Variants in DPP6 observed in about 807,000 individuals in gnomAD.
DPP6 encodes the protein A-type potassium channel modulatory protein DPP6.
A neutral mutation model predicts 122.6 loss-of-function variants in DPP6; 69 were observed. That is an observed-to-expected ratio of 0.56 (90% CI 0.46 to 0.69). The LOEUF is 0.69. DPP6 is among the 30% of genes least tolerant of loss of function. DPP6 has a pLI of 0.00. For missense variants in DPP6, 928 were observed against 1,116.9 expected, an observed-to-expected ratio of 0.83 and a Z score of 2.41; for synonymous variants, 418 against 433.1, an observed-to-expected ratio of 0.97 and a Z score of 0.43.
At chr7:154,024,382 T>TGG (rs1798870968) in intron 1 of DPP6, among the ~76,000 whole-genome samples, 1 of 152,206 alleles carries the variant, frequency 6.6e-6, no homozygotes, top group Non-Finnish European at 1.5e-5. Context: ...TAAATTGCCA[T>TGG]GTGTACTTAA....
intron 1 of DPP6, among the ~76,000 whole-genome samples, chr7:154,151,259 A>C (rs73729285): frequency 6.6e-6 from 1 of 152,060 alleles, no homozygotes; most frequent in South Asian, 2.1e-4. Flanking sequence ...GGCCTCTCCC[A>C]TCCATCCAGG....
chr7:153,991,568 T>G (rs753535829), intron 1 of DPP6, among the ~76,000 whole-genome samples: 17 of 152,228 alleles, frequency 1.1e-4, no homozygotes, highest in Non-Finnish European at 2.4e-4. Context: ...CTGGTTACAC[T>G]CATGTGCATT....
intron 1 of DPP6, among the ~76,000 whole-genome samples, chr7:153,984,367 A>G (rs1211180690): frequency 3.3e-5 from 5 of 152,216 alleles, no homozygotes; most frequent in Non-Finnish European, 5.9e-5. Context: ...AAACTTTTTC[A>G]TAGAAACATG....
intron 16 of DPP6, among the ~76,000 whole-genome samples, chr7:154,813,877 C>CTA (rs1799237830): frequency 1.1e-5 from 1 of 94,470 alleles, no homozygotes; most frequent in Non-Finnish European, 1.9e-5. Flanking sequence ...AAGCACATTT[C>CTA]TTTTTTTTTT....
chr7:153,836,835 C>A, the DPP6 span, among the ~76,000 whole-genome samples: 32 of 152,166 alleles, frequency 2.1e-4, no homozygotes, highest in African/African-American at 7.5e-4. Context: ...GCCCCATGAA[C>A]AATATTAGAC....
chr7:154,306,334 T>A (rs1259413313), intron 1 of DPP6, among the ~76,000 whole-genome samples: 1 of 152,148 alleles, frequency 6.6e-6, no homozygotes, highest in Non-Finnish European at 1.5e-5. Context: ...AATTCCCTCC[T>A]TGGAAGATCT....
rs1804773045 is a variant in DPP6, at chr7:154,875,510, T to C, written c.1884-396T>C. Among the ~76,000 whole-genome samples the C allele has an allele frequency of 6.6e-6, 1 of 152,144 alleles. No individual in the cohort carries two copies. Among genetic ancestry groups the C allele is most frequent in the Admixed American group, 6.5e-5 (1 of 15,284 alleles). The stretch of plus-strand genomic sequence containing the variant: ...GCGCGGCCTTGTCACTTGTGATGGG[T>C]ACTGAGAGGTACAGCCTGGGACATC... On this transcript the variant is annotated intron_variant, in intron 19 of 25. Coordinates refer to ENST00000377770, the MANE Select transcript of DPP6 (RefSeq NM_130797.4). This position sits in a 1 kb window ranked among gnomAD's most constrained non-coding sequence, Gnocchi z 4.5.
intron 1 of DPP6, among the ~76,000 whole-genome samples, chr7:154,201,420 C>T (rs767305721): frequency 3.3e-5 from 5 of 152,196 alleles, no homozygotes; most frequent in East Asian, 1.9e-4. Context: ...TGAGCCACCA[C>T]GCCTGACCAG....
intron 16 of DPP6, among the ~76,000 whole-genome samples, chr7:154,810,854 C>T (rs973475894): frequency 1.3e-5 from 2 of 152,168 alleles, no homozygotes; most frequent in African/African-American, 2.4e-5. Flanking sequence ...ATGGGATGCT[C>T]CTCCTGCCAA....
At chr7:153,887,724 G>A (rs764849380) in exon 1 of DPP6, 2 of 1,613,750 alleles carry the variant, frequency 1.2e-6, no homozygotes, top group African/African-American at 1.3e-5. Flanking sequence ...AAGATGCAGG[G>A]GAACGTGATG....
chr7:154,064,735 G>A (rs142406463), intron 1 of DPP6, among the ~76,000 whole-genome samples: 14,384 of 152,146 alleles, frequency 0.095, 873 homozygotes, highest in Admixed American at 0.19. Context: ...AGTTCCTAAC[G>A]AGAGAGGAAG....
the DPP6 span, among the ~76,000 whole-genome samples, chr7:153,818,650 G>T: frequency 0.8 from 120,156 of 150,656 alleles, 48,075 homozygotes; most frequent in Admixed American, 0.86. Context: ...GCCAAAGCCA[G>T]TTTTTAAATA....
At chr7:153,902,131 A>G (rs898731673) in intron 1 of DPP6, among the ~76,000 whole-genome samples, 1 of 152,246 alleles carries the variant, frequency 6.6e-6, no homozygotes, top group Admixed American at 6.5e-5. Context: ...GATGCACATC[A>G]CAGACAAGAT....
At chr7:153,809,081 AT>A in the DPP6 span, among the ~76,000 whole-genome samples, 1 of 152,030 alleles carries the variant, frequency 6.6e-6, no homozygotes, top group Non-Finnish European at 1.5e-5. Context: ...TCTTTTAATA[AT>A]AAACATCCTA....
At chr7:154,476,235 T>C (rs570777374) in intron 3 of DPP6, among the ~76,000 whole-genome samples, 1 of 152,312 alleles carries the variant, frequency 6.6e-6, no homozygotes, top group East Asian at 1.9e-4. Context: ...AGGGAATGTA[T>C]TTTAGAAAAC....
chr7:154,838,262 C>A (rs2150542710), intron 16 of DPP6: 1 of 152,284 alleles, frequency 6.6e-6, no homozygotes, highest in Middle Eastern at 3.4e-3. Context: ...AAAGAAGTTC[C>A]AAGATCCGCT....
At chr7:154,288,003 A>T (rs1235672199) in intron 1 of DPP6, among the ~76,000 whole-genome samples, 7 of 152,170 alleles carry the variant, frequency 4.6e-5, no homozygotes, top group Admixed American at 4.6e-4. Context: ...AGTTACTCCC[A>T]CCCAGAGGAA....
At chr7:154,605,347 A>G (rs1324966594) in intron 5 of DPP6, among the ~76,000 whole-genome samples, 1 of 119,364 alleles carries the variant, frequency 8.4e-6, no homozygotes, top group Non-Finnish European at 1.9e-5. Context: ...GCAAGAGGGT[A>G]TCTGTTCCAT....
At chr7:153,889,990 G>A (rs1210966725) in intron 1 of DPP6, among the ~76,000 whole-genome samples, 1 of 152,200 alleles carries the variant, frequency 6.6e-6, no homozygotes, top group African/African-American at 2.4e-5. Context: ...AATCTCTCAA[G>A]TTGCTTTGGA....
Sources: gnomAD v4.1 joint callset for allele counts (sites outside exome capture counted in the v4.1 genomes callset) on GRCh38, gnomAD v4.1.1 for gene constraint, Gnocchi (gnomAD v3.1) non-coding constraint, MANE v1.5 for transcripts, NCBI Gene and HGNC (gene_info 2026-07-23, HGNC 2026-07-21) for gene names.